SHISA6: variants seen among roughly 807,000 people sequenced by gnomAD.
SHISA6 encodes protein shisa-6.
A neutral mutation model predicts 47.9 loss-of-function variants in SHISA6; 22 were observed. The ratio of observed to expected loss-of-function variants is 0.46; its 90% CI spans 0.33 to 0.66. The LOEUF (loss-of-function observed/expected upper bound fraction) is 0.66, where lower values mean the gene tolerates loss of function less well. Among genes scored for constraint, SHISA6 ranks in the 30% least tolerant of loss-of-function variants. The pLI is 0.02. For synonymous variants in SHISA6, 388 were observed against 337.8 expected (o/e 1.15, Z -1.63); for missense variants, 680 against 764.6 (o/e 0.89, Z 1.30).
chr17:11,348,317 A>T (rs906783605), intron 2 of SHISA6, among the ~76,000 whole-genome samples: 1 of 152,198 alleles, frequency 6.6e-6, no homozygotes, highest in Non-Finnish European at 1.5e-5. Flanking sequence ...AACATACATG[A>T]TTCTCAAAAA....
At chr17:11,337,823 T>G (rs547284144) in intron 2 of SHISA6, among the ~76,000 whole-genome samples, 1 of 152,320 alleles carries the variant, frequency 6.6e-6, no homozygotes, top group Admixed American at 6.5e-5. Context: ...TTTTGTTTCC[T>G]GAGCACCTAG....
At chr17:11,258,089 G>A (rs1908086051) in intron 1 of SHISA6, among the ~76,000 whole-genome samples, 1 of 152,166 alleles carries the variant, frequency 6.6e-6, no homozygotes, top group African/African-American at 2.4e-5. Context: ...TTAGTCCTTA[G>A]AAATAAGAAC....
intron 3 of SHISA6, among the ~76,000 whole-genome samples, chr17:11,486,185 T>C (rs1916343795): frequency 6.6e-6 from 1 of 152,188 alleles, no homozygotes; most frequent in African/African-American, 2.4e-5. Flanking sequence ...GGTGAGTGAT[T>C]TCTTCCACGT....
chr17:11,530,633 C>G (rs973542723), intron 3 of SHISA6, among the ~76,000 whole-genome samples: 6 of 152,128 alleles, frequency 3.9e-5, no homozygotes, highest in Non-Finnish European at 5.9e-5. Flanking sequence ...AGACATCCCC[C>G]GCTTGATCAC....
At chr17:11,285,837 CT>C (rs111973369) in intron 2 of SHISA6, among the ~76,000 whole-genome samples, 163 of 140,742 alleles carry the variant, frequency 1.2e-3, no homozygotes, top group Admixed American at 1.5e-3. Context: ...CTCTCTCTCT[CT>C]TTTTTTTTTT....
chr17:11,255,311 G>T (rs1567551342), intron 1 of SHISA6, among the ~76,000 whole-genome samples: 1 of 152,012 alleles, frequency 6.6e-6, no homozygotes, highest in Admixed American at 6.6e-5. Flanking sequence ...TTGTTTTAAA[G>T]AAGGAAGAGA....
At position 11,414,283 on chromosome 17, in the gene SHISA6, T is replaced by C. The variant is rs8079339; in HGVS notation, c.895+34774T>C. On this transcript the variant is annotated intron_variant, in intron 3 of 5. Transcript: ENST00000441885. ...TATTGGGACACACCACTTTGCAGTA[T>C]CTCATTCTTGACTTTGCTAAGAAAG... Among the ~76,000 whole-genome samples the C allele has an allele frequency of 8.7e-3, 1,325 of 152,274 alleles. 21 individuals carry two copies. Among genetic ancestry groups the C allele is most frequent in the African/African-American group, 0.03 (1,264 of 41,550 alleles).
chr17:11,268,284 A>T (rs1908505300), intron 2 of SHISA6, among the ~76,000 whole-genome samples: 1 of 151,574 alleles, frequency 6.6e-6, no homozygotes. Flanking sequence ...AAGGGTCATG[A>T]CTCTCTAAGC....
chr17:11,332,867 C>A (rs540278987), intron 2 of SHISA6, among the ~76,000 whole-genome samples: 8 of 152,090 alleles, frequency 5.3e-5, no homozygotes, highest in Non-Finnish European at 8.8e-5. Context: ...GCCTGCCGAA[C>A]CCCTGGCTCC....
chr17:11,429,539 G>A (rs568390079), intron 3 of SHISA6, among the ~76,000 whole-genome samples: 11 of 151,616 alleles, frequency 7.3e-5, no homozygotes, highest in Non-Finnish European at 1.6e-4. Flanking sequence ...CCAGCACTTC[G>A]GGAGGCCAAG....
intron 3 of SHISA6, among the ~76,000 whole-genome samples, chr17:11,407,620 C>A (rs1914003368): frequency 6.6e-6 from 1 of 151,982 alleles, no homozygotes; most frequent in Non-Finnish European, 1.5e-5. Context: ...TGAATGAGAG[C>A]AATGCTGTTG....
intron 2 of SHISA6, among the ~76,000 whole-genome samples, chr17:11,375,910 T>A (rs2142241592): frequency 6.6e-6 from 1 of 152,260 alleles, no homozygotes; most frequent in East Asian, 1.9e-4. Flanking sequence ...CACCATTCAG[T>A]TCAGCAGGTG....
At chr17:11,323,848 A>G (rs1186286843) in intron 2 of SHISA6, among the ~76,000 whole-genome samples, 2 of 151,904 alleles carry the variant, frequency 1.3e-5, no homozygotes, top group Non-Finnish European at 2.9e-5. Flanking sequence ...TCTCAGCTCT[A>G]CCTGAGCTTC....
At chr17:11,482,525 A>G (rs1414078943) in intron 3 of SHISA6, among the ~76,000 whole-genome samples, 1 of 152,212 alleles carries the variant, frequency 6.6e-6, no homozygotes, top group Non-Finnish European at 1.5e-5. Flanking sequence ...AGGAAAAAAA[A>G]TTACACTAAC....
intron 3 of SHISA6, among the ~76,000 whole-genome samples, chr17:11,501,009 C>A (rs2071447833): frequency 6.6e-6 from 1 of 152,164 alleles, no homozygotes; most frequent in Non-Finnish European, 1.5e-5. Context: ...CTCAGCAAAA[C>A]TAAGCAACTT....
At chr17:11,327,759 T>C (rs1910951391) in intron 2 of SHISA6, among the ~76,000 whole-genome samples, 2 of 152,196 alleles carry the variant, frequency 1.3e-5, no homozygotes, top group Admixed American at 6.5e-5. Flanking sequence ...ACCGTGCCGC[T>C]GCACTCCAGC....
chr17:11,304,219 G>A (rs976075018), intron 2 of SHISA6, among the ~76,000 whole-genome samples: 1 of 152,242 alleles, frequency 6.6e-6, no homozygotes, highest in Non-Finnish European at 1.5e-5. Flanking sequence ...GGGCCCTGGA[G>A]GGGTCAGTGC....
intron 3 of SHISA6, among the ~76,000 whole-genome samples, chr17:11,438,908 AT>A (rs1915019599): frequency 6.6e-6 from 1 of 152,150 alleles, no homozygotes; most frequent in African/African-American, 2.4e-5. Flanking sequence ...TGTGCAGCTG[AT>A]TTATAGCAAG....
intron 3 of SHISA6, among the ~76,000 whole-genome samples, chr17:11,381,227 C>G (rs776813423): frequency 7.2e-5 from 11 of 152,168 alleles, no homozygotes; most frequent in Non-Finnish European, 1.0e-4. Context: ...ACCCCTTACT[C>G]TTATAGGTGG....
Sources: allele counts gnomAD v4.1 joint callset (sites outside exome capture counted in the v4.1 genomes callset), GRCh38; gene constraint gnomAD v4.1.1; transcripts MANE v1.5; gene names NCBI Gene and HGNC (gene_info 2026-07-23, HGNC 2026-07-21).